The following GTF3C3 variants were observed in gnomAD, a reference collection of about 807,000 sequenced individuals.
GTF3C3 encodes the protein general transcription factor 3C polypeptide 3.
A neutral mutation model predicts 105.2 loss-of-function variants in GTF3C3; 75 were observed. That is an observed-to-expected ratio of 0.71 (90% CI 0.59 to 0.86). The LOEUF is 0.86. Ranked by LOEUF, GTF3C3 falls within the 40% of genes least tolerant of loss-of-function variation. The pLI, the probability that GTF3C3 is intolerant of heterozygous loss-of-function variation, is 0.00. For missense variants in GTF3C3, 856 were observed against 1,076.5 expected (o/e 0.80, Z 2.87); for synonymous variants, 335 against 370.4 (o/e 0.90, Z 1.10).
chr2:196,784,439 T>C (rs1338289233), intron 8 of GTF3C3, among the ~76,000 whole-genome samples: 2 of 152,170 alleles, frequency 1.3e-5, no homozygotes, highest in African/African-American at 4.8e-5. Flanking sequence ...TCAAACAATG[T>C]AGGGTAATCA....
chr2:196,781,934 C>A (rs1699373777), intron 8 of GTF3C3, among the ~76,000 whole-genome samples: 1 of 152,194 alleles, frequency 6.6e-6, no homozygotes, highest in Non-Finnish European at 1.5e-5. Flanking sequence ...GGACTAAACA[C>A]AATGCAGTCA....
At position 196,793,043 on chromosome 2, in the gene GTF3C3, CTCCTCCTCCTCCTCCTCTTCTTCCTCT is replaced by C; in HGVS notation, c.297_323del (p.Glu103_Glu111del). ...TGGGTTGCTCAGGTGTTTCTTCCTC[CTCCTCCTCCTCCTCCTCTTCTTCCTCT>C]TCCTCCTCATCATCTTCATTCTCTC... On this transcript the variant is annotated inframe_deletion, in exon 3 of 18. Coordinates refer to ENST00000263956, the MANE Select transcript of GTF3C3 (RefSeq NM_012086.5). 6.3e-7 allele frequency: 1 copy of C among 1,576,346 alleles called. No individual in the cohort carries two copies. Among genetic ancestry groups the C allele is most frequent in the Non-Finnish European group, 8.7e-7 (1 of 1,147,552 alleles).
chr2:196,782,030 T>C (rs989921508), intron 8 of GTF3C3, among the ~76,000 whole-genome samples: 1 of 152,264 alleles, frequency 6.6e-6, no homozygotes, highest in Non-Finnish European at 1.5e-5. Flanking sequence ...ACTTTGATTT[T>C]CATTCTAGAA....
chr2:196,769,894 C>T (rs771260383), intron 16 of GTF3C3, 21 bp downstream of exon 16: 10 of 1,586,676 alleles, frequency 6.3e-6, no homozygotes, highest in South Asian at 2.3e-5. Context: ...AATCAAGTAA[C>T]GAGAAATTTG....
chr2:196,770,164 A>T (rs1699146975), intron 15 of GTF3C3, 125 bp from the exon 16 acceptor site: 6 of 694,364 alleles, frequency 8.6e-6, no homozygotes, highest in Non-Finnish European at 1.3e-5. Flanking sequence ...CTTAAATAGC[A>T]ACCAGAGACC....
At position 196,784,929 on chromosome 2, in the gene GTF3C3, T is replaced by G. The variant is rs1472331104; in HGVS notation, c.1042A>C (p.Ile348Leu). ...ACAATTCCAGAAAAATCTGTAATTA[T>G]CTAAAAGAATGGGAAAGAAGAAAGG... ...SNKQYDKALE[I>L]ITDFSGIVLE... The change falls in exon 8 of 18, where the codon ATA (isoleucine) becomes CTA (leucine). Residue 348 changes from isoleucine to leucine, a missense_variant and splice_region_variant. Transcript: ENST00000263956. 8 of 1,581,594 alleles carry G rather than the reference T, an allele frequency of 5.1e-6. No homozygotes were observed. Among genetic ancestry groups the G allele is most frequent in the East Asian group, 2.2e-5 (1 of 44,572 alleles).
chr2:196,781,304 T>C (rs1699345456), intron 8 of GTF3C3, among the ~76,000 whole-genome samples: 1 of 122,078 alleles, frequency 8.2e-6, no homozygotes, highest in Non-Finnish European at 1.6e-5. Flanking sequence ...GTTCCACATA[T>C]GCAGATTCAA....
chr2:196,781,219 A>C (rs1699343657), intron 8 of GTF3C3, among the ~76,000 whole-genome samples: 1 of 145,686 alleles, frequency 6.9e-6, no homozygotes, highest in Admixed American at 6.8e-5. Context: ...GAAATAAAAA[A>C]TTATTCAAGA....
chr2:196,767,164 T>TTTACC (rs1473276201), intron 16 of GTF3C3, among the ~76,000 whole-genome samples: 1 of 152,158 alleles, frequency 6.6e-6, no homozygotes, highest in Non-Finnish European at 1.5e-5. Context: ...TAGGGTAAAT[T>TTTACC]TTACCTTTTA....
chr2:196,791,839 A>C, intron 3 of GTF3C3: 1 of 163,558 alleles, frequency 6.1e-6, no homozygotes, highest in Non-Finnish European at 1.3e-5. Flanking sequence ...TGGTAGGCTG[A>C]GGCATGAGAA....
At chr2:196,784,745 G>A in intron 8 of GTF3C3, 112 bp downstream of exon 8, 1 of 1,261,070 alleles carries the variant, frequency 7.9e-7, no homozygotes, top group Non-Finnish European at 1.0e-6. Flanking sequence ...AACTTATTAT[G>A]AGAACATTAA....
At chr2:196,791,711 G>A (rs546343353) in intron 3 of GTF3C3, 13 of 329,792 alleles carry the variant, frequency 3.9e-5, no homozygotes, top group African/African-American at 1.1e-4. Flanking sequence ...TGAAGCAGGC[G>A]GATCACCTGA....
chr2:196,772,114 T>C (rs1699185279), intron 14 of GTF3C3, among the ~76,000 whole-genome samples, 176 bp from the exon 15 acceptor site: 1 of 152,216 alleles, frequency 6.6e-6, no homozygotes, highest in Admixed American at 6.5e-5. Flanking sequence ...AAAAGATTTT[T>C]CCCAGAAAAT....
Position 196,776,463 on chromosome 2 carries a change from T to G in GTF3C3, c.1557A>C (p.Pro519=). 1 of 1,614,160 alleles carries G rather than the reference T, an allele frequency of 6.2e-7. No homozygotes were observed. ...ALEALEPMYD[P]DTLAQDANAA... ...CATTTGCATCCTGTGCTAAAGTATCTGGATCATACATTGGTTCCAGAGCTT... is the reference window on the plus strand; with the variant it reads ...CATTTGCATCCTGTGCTAAAGTATCGGGATCATACATTGGTTCCAGAGCTT... The change falls in exon 11 of 18, where the codon CCA becomes CCC. Residue 519 remains proline (P), a synonymous_variant. Coordinates refer to ENST00000263956, the MANE Select transcript of GTF3C3 (RefSeq NM_012086.5). The surrounding 1 kb of genome is among the most constrained non-coding windows in gnomAD (Gnocchi z 4.5).
intron 17 of GTF3C3, among the ~76,000 whole-genome samples, chr2:196,765,128 AAAC>A (rs1699038966): frequency 6.6e-6 from 1 of 152,220 alleles, no homozygotes; most frequent in Admixed American, 6.5e-5. Flanking sequence ...GCCAATGGGA[AAAC>A]AATTCCTATG....
At chr2:196,782,640 G>C (rs761465262) in intron 8 of GTF3C3, among the ~76,000 whole-genome samples, 1 of 152,050 alleles carries the variant, frequency 6.6e-6, no homozygotes. Flanking sequence ...AAAAAAATAG[G>C]TGTCACAATC....
chr2:196,776,028 CAT>C lies in GTF3C3; in HGVS notation c.1675_1676del (p.Met559ValfsTer31). The C allele has an allele frequency of 6.4e-7, 1 of 1,561,358 alleles. No homozygotes were observed. Among genetic ancestry groups the C allele is most frequent in the East Asian group, 2.3e-5 (1 of 43,808 alleles). On this transcript the variant is annotated frameshift_variant, in exon 12 of 18. Transcript: ENST00000263956. LOFTEE classifies it high-confidence loss of function. The surrounding 1 kb of genome is among the most constrained non-coding windows in gnomAD (Gnocchi z 4.5). Reference protein sequence around the residue: ...MYGYVDTLLTMLAMLLKVAMN... With the variant: ...MYGYVDTLLTXLAMLLKVAMN... ...TACCCACCTTTAAAAGCATGGCTAA[CAT>C]AGTAAGTAAGGTATCCACATAACCA...
At chr2:196,771,709 C>T (rs1699179186) in intron 15 of GTF3C3, 39 bp downstream of exon 15, 2 of 1,419,412 alleles carry the variant, frequency 1.4e-6, no homozygotes, top group East Asian at 2.3e-5. Flanking sequence ...CTTCACCACA[C>T]TATTTATGCT....
chr2:196,774,560 C>G (rs918751443), intron 13 of GTF3C3, among the ~76,000 whole-genome samples: 1 of 152,094 alleles, frequency 6.6e-6, no homozygotes, highest in Non-Finnish European at 1.5e-5. Context: ...AAAAACTAAC[C>G]ATGGACCTCC....
Sources: gnomAD v4.1 joint callset for allele counts (sites outside exome capture counted in the v4.1 genomes callset) on GRCh38, gnomAD v4.1.1 for gene constraint, Gnocchi (gnomAD v3.1) non-coding constraint, MANE v1.5 for transcripts, NCBI Gene and HGNC (gene_info 2026-07-23, HGNC 2026-07-21) for gene names.